JAK1: variants seen among roughly 807,000 people sequenced by gnomAD.
The protein encoded by JAK1 is Janus kinase 1.
A neutral mutation model predicts 136.6 loss-of-function variants in JAK1; 16 were observed. The ratio of observed to expected loss-of-function variants is 0.12; its 90% CI spans 0.08 to 0.18. The LOEUF (loss-of-function observed/expected upper bound fraction) is 0.18, where lower values mean the gene tolerates loss of function less well. Among genes scored for constraint, JAK1 ranks in the 10% least tolerant of loss-of-function variants. The pLI is 1.00. For missense variants in JAK1, 859 were observed against 1,450.1 expected (o/e 0.59, Z 6.62); for synonymous variants, 492 against 519.5 (o/e 0.95, Z 0.72).
intron 2 of JAK1, among the ~76,000 whole-genome samples, chr1:64,998,638 G>A (rs1646725481): frequency 6.6e-6 from 1 of 152,178 alleles, no homozygotes; most frequent in African/African-American, 2.4e-5. Context: ...ATGTGTCATG[G>A]GAGGAACCCA....
chr1:65,000,871 CG>C (rs1646749281), intron 2 of JAK1, among the ~76,000 whole-genome samples: 1 of 147,942 alleles, frequency 6.8e-6, no homozygotes, highest in Non-Finnish European at 1.5e-5. Flanking sequence ...GGTGGGGGGG[CG>C]GTTGGATTTT....
At chr1:64,978,318 TG>T (rs1646514716) in intron 2 of JAK1, among the ~76,000 whole-genome samples, 1 of 152,136 alleles carries the variant, frequency 6.6e-6, no homozygotes, top group Admixed American at 6.5e-5. Flanking sequence ...CAAATCTTTT[TG>T]CCTAAAACAA....
chr1:64,957,861 GTGAA>G, intron 1 of JAK1, among the ~76,000 whole-genome samples: 1 of 152,158 alleles, frequency 6.6e-6, no homozygotes, highest in Admixed American at 6.5e-5. Flanking sequence ...GGAGAATGGC[GTGAA>G]CCCGGGAGGC....
chr1:64,909,162 T>C (rs747070636), intron 1 of JAK1, among the ~76,000 whole-genome samples: 20 of 152,210 alleles, frequency 1.3e-4, no homozygotes, highest in Non-Finnish European at 2.8e-4. Flanking sequence ...GATGTTTTCT[T>C]TTGTCTCCAA....
chr1:64,981,990 G>C (rs965993750), intron 2 of JAK1, among the ~76,000 whole-genome samples: 14 of 152,096 alleles, frequency 9.2e-5, no homozygotes, highest in Non-Finnish European at 1.2e-4. Flanking sequence ...TTGACTCCAT[G>C]AACTTGAACA....
chr1:64,971,934 A>C (rs548371753), intron 2 of JAK1, among the ~76,000 whole-genome samples: 2 of 152,036 alleles, frequency 1.3e-5, no homozygotes, highest in African/African-American at 4.8e-5. Context: ...GAAGTTCTCC[A>C]TTTTCTTGTA....
upstream of JAK1, among the ~76,000 whole-genome samples, chr1:64,966,811 C>G (rs1182733183): frequency 6.6e-6 from 1 of 151,686 alleles, no homozygotes; most frequent in Non-Finnish European, 1.5e-5. Context: ...TCATCTATCG[C>G]GGGGAGTAAA....
At chr1:64,956,526 C>G (rs550565818) in intron 1 of JAK1, among the ~76,000 whole-genome samples, 3 of 152,222 alleles carry the variant, frequency 2.0e-5, no homozygotes, top group Non-Finnish European at 2.9e-5. Context: ...CTTCTCCCAA[C>G]CCCCCAACCT....
Position 64,948,862 on chromosome 1 carries a change from T to C in JAK1, c.-78+17471A>G, listed in dbSNP as rs138241713. Among the ~76,000 whole-genome samples the C allele has an allele frequency of 4.5e-3, 689 of 152,342 alleles. 3 individuals are homozygous for C. Among genetic ancestry groups the C allele is most frequent in the African/African-American group, 0.015 (624 of 41,562 alleles). On this transcript the variant is annotated intron_variant, in intron 1 of 24. Coordinates refer to ENST00000342505, the MANE Select transcript of JAK1 (RefSeq NM_002227.4). Reference sequence around the variant, plus strand: ...GAAATGTGGCAGCCCAGAATGTTAATGGTACTTGGAGGGAAATCTAACCCT... The same window carrying C: ...GAAATGTGGCAGCCCAGAATGTTAACGGTACTTGGAGGGAAATCTAACCCT...
chr1:64,867,502 T>C (rs541861365), intron 6 of JAK1, among the ~76,000 whole-genome samples: 41 of 152,384 alleles, frequency 2.7e-4, no homozygotes, highest in African/African-American at 9.4e-4. Flanking sequence ...ACATTTTTGC[T>C]TGCTAGCTTC....
At chr1:65,067,552 C>G (rs1161124739) in intron 1 of JAK1, 2 of 145,878 alleles carry the variant, frequency 1.4e-5, no homozygotes, top group Non-Finnish European at 3.1e-5. Flanking sequence ...CGCGGGCGCT[C>G]GGCCCCGCGC....
chr1:65,052,630 G>A (rs1647331056), intron 1 of JAK1, among the ~76,000 whole-genome samples: 3 of 152,066 alleles, frequency 2.0e-5, no homozygotes, highest in Admixed American at 6.5e-5. Flanking sequence ...TGGCTAACAC[G>A]ATGAAATCCC....
chr1:64,858,824 TGTATG>T (rs1341547451), intron 9 of JAK1, among the ~76,000 whole-genome samples: 2 of 152,040 alleles, frequency 1.3e-5, no homozygotes, highest in Non-Finnish European at 2.9e-5. Flanking sequence ...GTGGCCAACA[TGTATG>T]GGATGGAGAA....
At chr1:65,019,787 G>A (rs1260287639) in intron 2 of JAK1, among the ~76,000 whole-genome samples, 1 of 151,826 alleles carries the variant, frequency 6.6e-6, no homozygotes, top group Non-Finnish European at 1.5e-5. Flanking sequence ...GTGGTGGCAG[G>A]CACCTGTAAT....
chr1:64,870,845 C>T (rs1053756825), intron 5 of JAK1, among the ~76,000 whole-genome samples: 5 of 152,198 alleles, frequency 3.3e-5, no homozygotes, highest in Non-Finnish European at 2.9e-5. Context: ...CCAAAAACTT[C>T]TGAGGAACAA....
chr1:64,976,342 T>C (rs2100684159), intron 2 of JAK1, among the ~76,000 whole-genome samples: 1 of 152,358 alleles, frequency 6.6e-6, no homozygotes, highest in South Asian at 2.1e-4. Context: ...TGAGATTTTA[T>C]GTAGCATCTT....
intron 2 of JAK1, among the ~76,000 whole-genome samples, chr1:65,014,418 AAAAG>A (rs150626130): frequency 0.015 from 2,294 of 152,008 alleles, 43 homozygotes; most frequent in African/African-American, 0.053. Flanking sequence ...AGGTAGAAAG[AAAAG>A]AAAGAAAGAG....
intron 2 of JAK1, among the ~76,000 whole-genome samples, chr1:65,037,305 T>C (rs1195887612): frequency 6.6e-6 from 1 of 152,018 alleles, no homozygotes; most frequent in East Asian, 1.9e-4. Context: ...ATATGAAGTT[T>C]TTTTGTTTGT....
At chr1:65,021,170 C>G (rs983287983) in intron 2 of JAK1, among the ~76,000 whole-genome samples, 1 of 152,140 alleles carries the variant, frequency 6.6e-6, no homozygotes, top group African/African-American at 2.4e-5. Flanking sequence ...CAGAATGGAG[C>G]TGGGCAAAGA....
Sources: gnomAD v4.1 joint callset for allele counts (sites outside exome capture counted in the v4.1 genomes callset) on GRCh38, gnomAD v4.1.1 for gene constraint, MANE v1.5 for transcripts, NCBI Gene and HGNC (gene_info 2026-07-23, HGNC 2026-07-21) for gene names.